The following ENTPD1 variants were observed in gnomAD, a reference collection of about 807,000 sequenced individuals.
The protein encoded by ENTPD1 is ectonucleoside triphosphate diphosphohydrolase 1.
A neutral mutation model predicts 57.0 loss-of-function variants in ENTPD1; 33 were observed. That is an observed-to-expected ratio of 0.58 (90% CI 0.44 to 0.77). ENTPD1 has a LOEUF of 0.77. Ranked by LOEUF, ENTPD1 falls within the 30% of genes least tolerant of loss-of-function variation. The probability of loss-of-function intolerance (pLI) is 0.00; values close to 1 mark genes in which losing one functional copy is unlikely to be tolerated. For missense variants in ENTPD1, 501 were observed against 603.4 expected, an observed-to-expected ratio of 0.83 and a Z score of 1.78; for synonymous variants, 202 against 218.8, an observed-to-expected ratio of 0.92 and a Z score of 0.68.
chr10:95,750,124 G>C (rs7923971), intron 1 of ENTPD1, among the ~76,000 whole-genome samples: 25,372 of 152,074 alleles, frequency 0.17, 2,537 homozygotes, highest in African/African-American at 0.27. Flanking sequence ...GTGACTCCAA[G>C]GTTTAAGGCC....
intron 1 of ENTPD1, among the ~76,000 whole-genome samples, chr10:95,801,267 T>G (rs1463682983): frequency 6.6e-6 from 1 of 152,192 alleles, no homozygotes; most frequent in Non-Finnish European, 1.5e-5. Context: ...TCATGAAATC[T>G]TTGCCCATTC....
chr10:95,840,179 C>A (rs932417800), intron 3 of ENTPD1, among the ~76,000 whole-genome samples: 2 of 152,186 alleles, frequency 1.3e-5, no homozygotes, highest in African/African-American at 4.8e-5. Flanking sequence ...AGAGGTTATA[C>A]CACTTGTTTG....
At chr10:95,747,539 CCCT>C (rs2098007403) in intron 1 of ENTPD1, among the ~76,000 whole-genome samples, 1 of 152,196 alleles carries the variant, frequency 6.6e-6, no homozygotes, top group Non-Finnish European at 1.5e-5. Flanking sequence ...TTTCTGTCCC[CCCT>C]ATCTGGCCCC....
chr10:95,860,389 C>A, intron 7 of ENTPD1, 80 bp from the exon 8 acceptor site: 2 of 1,156,002 alleles, frequency 1.7e-6, no homozygotes, highest in Non-Finnish European at 1.3e-6. Context: ...GGCACCTGCA[C>A]AAGGGATGCG....
chr10:95,758,018 AAAAAAAAAAAAAG>A (rs1425794192), intron 1 of ENTPD1, among the ~76,000 whole-genome samples: 1 of 144,000 alleles, frequency 6.9e-6, no homozygotes, highest in African/African-American at 2.6e-5. Context: ...AAAAAAAAAA[AAAAAAAAAAAAAG>A]ATTTGGACTG....
intron 4 of ENTPD1, among the ~76,000 whole-genome samples, chr10:95,843,845 T>C (rs914737657): frequency 2.6e-5 from 4 of 152,200 alleles, no homozygotes; most frequent in Admixed American, 2.6e-4. Context: ...ACTCCCAGTG[T>C]TGGGTAGCCT....
chr10:95,868,889 G>C lies in ENTPD1; in HGVS notation c.*2506G>C. ...AAAAAAAATCCTTTAAGGTATTTGG[G>C]AGCCAAACTCAACTTGTTAAAATCT... is the stretch of plus-strand genomic sequence containing the variant. On this transcript the variant is annotated 3_prime_UTR_variant, in exon 10 of 10. Coordinates refer to ENST00000371205, the MANE Select transcript of ENTPD1 (RefSeq NM_001776.6). 1 of 985,218 alleles carries C rather than the reference G, an allele frequency of 1.0e-6. No homozygotes were observed. Among genetic ancestry groups the C allele is most frequent in the Non-Finnish European group, 1.2e-6 (1 of 829,924 alleles). The allele number at this position is 985,218 out of a possible 1,614,324, so 61.0% of individuals were successfully genotyped here. A position where few individuals can be genotyped will look rare whatever the true frequency, so the allele number is the denominator to read the frequency against.
intron 1 of ENTPD1, among the ~76,000 whole-genome samples, chr10:95,733,859 A>G (rs763460963): frequency 3.3e-5 from 5 of 152,196 alleles, no homozygotes; most frequent in Non-Finnish European, 7.3e-5. Context: ...AAATTATGCA[A>G]GCTTCCCTAA....
intron 1 of ENTPD1, among the ~76,000 whole-genome samples, chr10:95,807,991 T>C (rs1193517819): frequency 1.3e-5 from 2 of 152,178 alleles, no homozygotes; most frequent in African/African-American, 2.4e-5. Context: ...ATCCTTGCCT[T>C]GTGCCAGTTT....
At chr10:95,865,646 A>T (rs1418541188) in intron 9 of ENTPD1, among the ~76,000 whole-genome samples, 1 of 152,176 alleles carries the variant, frequency 6.6e-6, no homozygotes. Context: ...TTCAAACTTA[A>T]ATCTTTTCCT....
Position 95,872,794 on chromosome 10 carries a change from CTT to C in ENTPD1, c.*6412_*6413del, listed in dbSNP as rs1194117973. ...TAGTTCTGCTTCACTCTATTTATCT[CTT>C]GATGTAACCATCTTCTTTCTCCAGG... On this transcript the variant is annotated 3_prime_UTR_variant, in exon 10 of 10. Coordinates refer to ENST00000371205, the MANE Select transcript of ENTPD1 (RefSeq NM_001776.6). The C allele has an allele frequency of 1.0e-6, 1 of 985,322 alleles. No individual in the cohort carries two copies. The highest frequency in any genetic ancestry group is 1.7e-5 in the African/African-American group (1 of 57,242). 61.0% of individuals were successfully genotyped at this position (985,322 alleles called of 1,614,324 possible). A position where few individuals can be genotyped will look rare whatever the true frequency, so the allele number is the denominator to read the frequency against.
rs942718606 is a variant in ENTPD1, at chr10:95,802,259, T to C, written c.17-20978T>C. Among the ~76,000 whole-genome samples the C allele has an allele frequency of 2.0e-5, 3 of 152,296 alleles. No individual in the cohort carries two copies. In the East Asian group the frequency reaches 5.8e-4, roughly 29 times the overall value. Reference sequence around the variant, plus strand: ...AATTGCTTGAGTTTGTCAAAAGACCTGAGATCTATAAAAAGGAATGTTCAG... The same window carrying C: ...AATTGCTTGAGTTTGTCAAAAGACCCGAGATCTATAAAAAGGAATGTTCAG... On this transcript the variant is annotated intron_variant, in intron 1 of 9. Transcript: ENST00000371205.
At chr10:95,853,868 A>G (rs2098449752) in intron 7 of ENTPD1, among the ~76,000 whole-genome samples, 2 of 152,196 alleles carry the variant, frequency 1.3e-5, no homozygotes, top group South Asian at 4.1e-4. Context: ...ATCAATGTTC[A>G]TCAAGGATAT....
At chr10:95,865,743 G>A (rs2098473137) in intron 9 of ENTPD1, among the ~76,000 whole-genome samples, 4 of 152,098 alleles carry the variant, frequency 2.6e-5, no homozygotes, top group Admixed American at 6.5e-5. Context: ...ACTGACACAC[G>A]AGGTAGTCAT....
rs554685005 is a variant in ENTPD1, at chr10:95,868,496, A to G, written c.*2113A>G. The G allele has an allele frequency of 4.6e-5, 45 of 985,472 alleles. No individual in the cohort carries two copies. The highest frequency in any genetic ancestry group is 1.1e-4 in the East Asian group (1 of 8,816). The allele number at this position is 985,472 out of a possible 1,614,324, so 61.0% of individuals were successfully genotyped here. On this transcript the variant is annotated 3_prime_UTR_variant, in exon 10 of 10. Transcript: ENST00000371205. ...CTCACAGCATAGTAGATTGACATCA[A>G]ATAGTGGCCGATGATGATGAAAATA...
intron 1 of ENTPD1, among the ~76,000 whole-genome samples, chr10:95,789,108 A>G (rs1018949801): frequency 6.6e-6 from 1 of 152,336 alleles, no homozygotes; most frequent in African/African-American, 2.4e-5. Context: ...CTGAACTTCT[A>G]TTTTGCTTCC....
intron 1 of ENTPD1, among the ~76,000 whole-genome samples, chr10:95,801,963 A>G (rs893028668): frequency 6.6e-5 from 10 of 152,224 alleles, no homozygotes; most frequent in Non-Finnish European, 1.3e-4. Context: ...ATCCATGAGC[A>G]TAGAATGTTT....
chr10:95,778,130 G>A (rs1334748748), intron 1 of ENTPD1, among the ~76,000 whole-genome samples: 1 of 152,220 alleles, frequency 6.6e-6, no homozygotes, highest in Non-Finnish European at 1.5e-5. Flanking sequence ...CCCTGCTTCA[G>A]CTCGTCCTCC....
upstream of ENTPD1, among the ~76,000 whole-genome samples, chr10:95,753,014 A>G (rs1589675272): frequency 6.6e-6 from 1 of 152,254 alleles, no homozygotes; most frequent in Non-Finnish European, 1.5e-5. Context: ...GAACCGGTAC[A>G]GTGAAAGAGG....
Sources: allele counts gnomAD v4.1 joint callset (sites outside exome capture counted in the v4.1 genomes callset), GRCh38; gene constraint gnomAD v4.1.1; transcripts MANE v1.5; gene names NCBI Gene and HGNC (gene_info 2026-07-23, HGNC 2026-07-21).